APP: variants seen among roughly 807,000 people sequenced by gnomAD.
APP encodes amyloid beta precursor protein.
In APP, 31 loss-of-function variants were observed where a neutral mutation model predicts 101.4. The ratio of observed to expected loss-of-function variants is 0.31; its 90% CI spans 0.23 to 0.41. The LOEUF is 0.41. APP is among the 10% of genes least tolerant of loss of function. The pLI is 1.00. For synonymous variants in APP, 366 were observed against 364.4 expected (o/e 1.00, Z -0.05); for missense variants, 839 against 1,003.7 (o/e 0.84, Z 2.22).
At chr21:25,911,714 G>T in intron 14 of APP, 27 bp downstream of exon 14, 3 of 1,597,142 alleles carry the variant, frequency 1.9e-6, no homozygotes, top group African/African-American at 1.3e-5. Context: ...CTCCCAGAAC[G>T]CCCTTGCTGG....
chr21:26,039,907 T>A (rs2045295625), intron 5 of APP, among the ~76,000 whole-genome samples: 1 of 152,158 alleles, frequency 6.6e-6, no homozygotes, highest in Admixed American at 6.5e-5. Flanking sequence ...CTTGACTGCC[T>A]TACAAAATCA....
At chr21:26,168,520 A>C (rs1406435123) in intron 1 of APP, among the ~76,000 whole-genome samples, 1 of 152,248 alleles carries the variant, frequency 6.6e-6, no homozygotes, top group Non-Finnish European at 1.5e-5. Context: ...AATTAAACAG[A>C]CCAAAAACTA....
At chr21:26,150,574 GCA>G (rs1476795856) in intron 1 of APP, among the ~76,000 whole-genome samples, 1 of 115,606 alleles carries the variant, frequency 8.7e-6, no homozygotes, top group African/African-American at 4.1e-5. Flanking sequence ...CCACCAAGTG[GCA>G]CAGAGTATAC....
chr21:25,891,506 A>G (rs997669372), intron 17 of APP, among the ~76,000 whole-genome samples: 12 of 152,214 alleles, frequency 7.9e-5, no homozygotes, highest in Non-Finnish European at 1.8e-4. Context: ...AAGTTGAGAT[A>G]ACAACACACA....
intron 6 of APP, among the ~76,000 whole-genome samples, chr21:26,004,275 C>CTTTTTTTTTTTTTTTTTTTTTTTTTTT (rs71183538): frequency 1.4e-5 from 1 of 72,794 alleles, no homozygotes; most frequent in Non-Finnish European, 2.4e-5. Context: ...TGTATTAATT[C>CTTTTTTTTTTTTTTTTTTTTTTTTTTT]TTTTTTTTTT....
intron 1 of APP, among the ~76,000 whole-genome samples, chr21:26,130,350 G>C (rs1458607821): frequency 6.6e-6 from 1 of 152,202 alleles, no homozygotes; most frequent in African/African-American, 2.4e-5. Flanking sequence ...CTTGTTTGAA[G>C]ATCACCAAGC....
chr21:26,080,490 G>A (rs557727565), intron 3 of APP, among the ~76,000 whole-genome samples: 57 of 151,736 alleles, frequency 3.8e-4, no homozygotes, highest in Non-Finnish European at 6.8e-4. Context: ...GCTTTCCGCC[G>A]GGTTGTGGTG....
At chr21:25,928,286 G>A (rs1342399814) in intron 13 of APP, among the ~76,000 whole-genome samples, 2 of 152,090 alleles carry the variant, frequency 1.3e-5, no homozygotes, top group Non-Finnish European at 2.9e-5. Context: ...AGCTTGCAGC[G>A]AGCCAAGATT....
chr21:26,146,699 A>G (rs1032443433), intron 1 of APP, among the ~76,000 whole-genome samples: 1 of 152,180 alleles, frequency 6.6e-6, no homozygotes, highest in East Asian at 1.9e-4. Context: ...TCAGCGCACT[A>G]TTCTCTCTTG....
chr21:25,929,587 C>A (rs969106231), intron 13 of APP, among the ~76,000 whole-genome samples: 20 of 152,208 alleles, frequency 1.3e-4, no homozygotes, highest in African/African-American at 4.6e-4. Context: ...ATTCCTTTTT[C>A]TGGGTACAGT....
intron 2 of APP, among the ~76,000 whole-genome samples, chr21:26,096,655 T>C (rs1165292900): frequency 1.3e-5 from 2 of 152,292 alleles, no homozygotes; most frequent in South Asian, 2.1e-4. Context: ...CTTGCGCCTA[T>C]AGTCCCAGCT....
At chr21:26,093,943 G>A (rs925336835) in intron 2 of APP, among the ~76,000 whole-genome samples, 1 of 151,932 alleles carries the variant, frequency 6.6e-6, no homozygotes, top group Non-Finnish European at 1.5e-5. Context: ...GTGAAACCCT[G>A]TCTCTACTAA....
chr21:25,990,123 GCATTCTC>G (rs1325126465), intron 8 of APP, among the ~76,000 whole-genome samples: 3 of 152,032 alleles, frequency 2.0e-5, no homozygotes, highest in African/African-American at 7.3e-5. Context: ...AAAAACAAAG[GCATTCTC>G]CCCCTAATAT....
intron 5 of APP, among the ~76,000 whole-genome samples, chr21:26,042,450 C>A (rs1201472866): frequency 6.6e-6 from 1 of 152,182 alleles, no homozygotes; most frequent in Non-Finnish European, 1.5e-5. Context: ...GTGAAATGCA[C>A]CATCTATAAT....
intron 6 of APP, among the ~76,000 whole-genome samples, chr21:26,015,977 G>A (rs1333063838): frequency 6.6e-6 from 1 of 151,934 alleles, no homozygotes; most frequent in Non-Finnish European, 1.5e-5. Flanking sequence ...GCTATTTTTG[G>A]CCCCAATTTG....
Position 25,904,817 on chromosome 21 carries a change from C to CA in APP, c.1963+206dup, listed in dbSNP as rs529624434. ...AGGTTTCAAAGGGAAAGCTCAGAAACAAAAAAAATCATTTCACTCGGAACT... is the reference window on the plus strand; with the variant it reads ...AGGTTTCAAAGGGAAAGCTCAGAAACAAAAAAAAATCATTTCACTCGGAACT... On this transcript the variant is annotated intron_variant, in intron 15 of 17. Transcript: ENST00000346798. Among the ~76,000 whole-genome samples, 816 of 150,518 alleles carry CA rather than the reference C, an allele frequency of 5.4e-3. 9 individuals carry two copies. The highest frequency in any genetic ancestry group is 5.6e-3 in the Non-Finnish European group (377 of 67,696).
At chr21:26,080,403 T>A (rs1601409355) in intron 3 of APP, among the ~76,000 whole-genome samples, 1 of 152,106 alleles carries the variant, frequency 6.6e-6, no homozygotes, top group Non-Finnish European at 1.5e-5. Flanking sequence ...TTTTTTAAGT[T>A]TTTTTTTAAG....
chr21:26,161,069 A>G (rs944774831), intron 1 of APP, among the ~76,000 whole-genome samples: 1 of 152,204 alleles, frequency 6.6e-6, no homozygotes, highest in Admixed American at 6.5e-5. Context: ...TCTGAACGTA[A>G]TTCTTTATCA....
intron 1 of APP, among the ~76,000 whole-genome samples, chr21:26,150,012 G>A (rs549534003): frequency 6.6e-6 from 1 of 152,312 alleles, no homozygotes; most frequent in African/African-American, 2.4e-5. Context: ...TTCAGCACAT[G>A]AGGCCTTGCC....
Sources: gnomAD v4.1 joint callset for allele counts (sites outside exome capture counted in the v4.1 genomes callset) on GRCh38, gnomAD v4.1.1 for gene constraint, MANE v1.5 for transcripts, NCBI Gene and HGNC (gene_info 2026-07-23, HGNC 2026-07-21) for gene names.